Variants in RASSF9 observed in about 807,000 individuals in gnomAD.
The protein encoded by RASSF9 is Ras association domain family member 9, also known as ras association domain-containing protein 9.
Under a neutral mutation model 21.4 loss-of-function variants are expected in RASSF9, and 18 were observed. The observed-to-expected ratio is 0.84, with a 90% CI of 0.58 to 1.25. RASSF9 has a LOEUF of 1.25. RASSF9 is among the 50% of genes most tolerant of loss of function. The pLI, the probability that RASSF9 is intolerant of heterozygous loss-of-function variation, is 0.00. For missense variants in RASSF9, 480 were observed against 503.2 expected, an observed-to-expected ratio of 0.95 and a Z score of 0.44; for synonymous variants, 183 against 179.1, an observed-to-expected ratio of 1.02 and a Z score of -0.18.
At chr12:85,810,954 A>G (rs1879941012) in intron 1 of RASSF9, among the ~76,000 whole-genome samples, 1 of 151,896 alleles carries the variant, frequency 6.6e-6, no homozygotes, top group Non-Finnish European at 1.5e-5. Flanking sequence ...CTGAGCAGAT[A>G]AACATTGCTT....
chr12:85,806,635 T>G (rs1452008415), intron 1 of RASSF9, among the ~76,000 whole-genome samples: 1 of 123,264 alleles, frequency 8.1e-6, no homozygotes, highest in Non-Finnish European at 1.6e-5. Flanking sequence ...ATTGTGCCAC[T>G]GCACTCCAGC....
At chr12:85,822,324 T>A (rs1880229064) in intron 1 of RASSF9, among the ~76,000 whole-genome samples, 1 of 152,202 alleles carries the variant, frequency 6.6e-6, no homozygotes, top group Non-Finnish European at 1.5e-5. Flanking sequence ...TGCAGGAATT[T>A]CAGTTATCCA....
At chr12:85,808,110 GTT>G (rs1879874757) in intron 1 of RASSF9, among the ~76,000 whole-genome samples, 1 of 152,014 alleles carries the variant, frequency 6.6e-6, no homozygotes, top group Non-Finnish European at 1.5e-5. Context: ...AATTTATAGT[GTT>G]TATGTTTTGG....
At chr12:85,835,953 A>G (rs931583052) in intron 1 of RASSF9, among the ~76,000 whole-genome samples, 2 of 152,134 alleles carry the variant, frequency 1.3e-5, no homozygotes, top group African/African-American at 2.4e-5. Flanking sequence ...TCCCATCATC[A>G]ATACTGGGAG....
chr12:85,821,487 A>G (rs996001058), intron 1 of RASSF9, among the ~76,000 whole-genome samples: 4 of 152,192 alleles, frequency 2.6e-5, no homozygotes, highest in African/African-American at 7.2e-5. Context: ...GTGCTATGAA[A>G]ATAGTTTCCT....
intron 1 of RASSF9, among the ~76,000 whole-genome samples, chr12:85,835,518 G>C (rs1880540096): frequency 6.6e-6 from 1 of 152,128 alleles, no homozygotes; most frequent in African/African-American, 2.4e-5. Flanking sequence ...AGAGAGGATA[G>C]CTGCTTGAAT....
intron 1 of RASSF9, 105 bp from the exon 2 acceptor site, chr12:85,806,067 G>C (rs931054213): frequency 2.3e-6 from 3 of 1,278,988 alleles, no homozygotes; most frequent in Non-Finnish European, 3.2e-6. Flanking sequence ...CTTAATGAGA[G>C]AGGCATTTTT....
Position 85,806,672 on chromosome 12 carries a change from C to CAAA in RASSF9, c.48-713_48-711dup, listed in dbSNP as rs71076150. Among the ~76,000 whole-genome samples the CAAA allele has an allele frequency of 9.8e-4, 54 of 54,838 alleles. 6 individuals are homozygous for CAAA. The highest frequency in any genetic ancestry group is 1.7e-3 in the South Asian group (1 of 600). The allele number at this position is 54,838 out of a possible 152,430, so 36.0% of individuals were successfully genotyped here. A position where few individuals can be genotyped will look rare whatever the true frequency, so the allele number is the denominator to read the frequency against. On this transcript the variant is annotated intron_variant, in intron 1 of 1. Coordinates refer to ENST00000361228, the MANE Select transcript of RASSF9 (RefSeq NM_005447.4). ...TGGGCAACAGCGTGAGACTCCATCT[C>CAAA]AAAAAAAAAAAAAAAAAAAAAAAAA...
chr12:85,822,137 T>C (rs962782028), intron 1 of RASSF9, among the ~76,000 whole-genome samples: 9 of 152,216 alleles, frequency 5.9e-5, no homozygotes, highest in African/African-American at 2.4e-5. Context: ...TATCGTTATT[T>C]CAGCTATTAG....
chr12:85,823,152 A>G (rs1880253566), intron 1 of RASSF9, among the ~76,000 whole-genome samples: 2 of 150,722 alleles, frequency 1.3e-5, no homozygotes, highest in South Asian at 2.1e-4. Flanking sequence ...GTGAGCTGAG[A>G]TCACACCACT....
intron 1 of RASSF9, among the ~76,000 whole-genome samples, chr12:85,811,716 A>C (rs1300772658): frequency 6.6e-6 from 1 of 151,824 alleles, no homozygotes; most frequent in African/African-American, 2.4e-5. Flanking sequence ...CTAATAGCTT[A>C]TTATCCATGA....
chr12:85,835,237 T>C (rs1235343102), intron 1 of RASSF9, among the ~76,000 whole-genome samples: 2 of 152,156 alleles, frequency 1.3e-5, no homozygotes. Flanking sequence ...CAAACAGGCA[T>C]GATTGAGAGA....
chr12:85,829,244 A>G (rs1256821516), intron 1 of RASSF9, among the ~76,000 whole-genome samples: 2 of 152,176 alleles, frequency 1.3e-5, no homozygotes, highest in African/African-American at 2.4e-5. Context: ...GTCATACGCC[A>G]TAATTAATGA....
Position 85,805,135 on chromosome 12 carries a change from T to C in RASSF9, c.875A>G (p.Lys292Arg). 6.2e-7 allele frequency: 1 copy of C among 1,613,968 alleles called. No individual in the cohort carries two copies. Among genetic ancestry groups the C allele is most frequent in the Non-Finnish European group, 8.5e-7 (1 of 1,179,890 alleles). The change falls in exon 2 of 2, where the codon AAA becomes AGA. Residue 292 changes from lysine to arginine, a missense_variant. Physicochemically the swap from Lys to Arg is conservative, Grantham distance 26. Coordinates refer to ENST00000361228, the MANE Select transcript of RASSF9 (RefSeq NM_005447.4). ...TTCATTTATATCAATGCAAACACTT[T>C]TTACCTCTTTTTCTATTTCAGCAGA... ...KLSAEIEKEV[K>R]SVCIDINEDA...
intron 1 of RASSF9, among the ~76,000 whole-genome samples, chr12:85,806,947 T>C (rs1879849800): frequency 6.6e-6 from 1 of 152,156 alleles, no homozygotes; most frequent in South Asian, 2.1e-4. Context: ...CACCTGAAGA[T>C]ACTAAGGATA....
intron 1 of RASSF9, among the ~76,000 whole-genome samples, chr12:85,812,399 A>T (rs1011826935): frequency 2.0e-5 from 3 of 151,318 alleles, no homozygotes; most frequent in African/African-American, 7.2e-5. Context: ...TTATTAATAT[A>T]TACACAAGAG....
At position 85,802,826 on chromosome 12, in the gene RASSF9, T is replaced by G. The variant is rs2136547153; in HGVS notation, c.*1876A>C. 6.6e-6 allele frequency: 1 copy of G among 152,288 alleles called. No homozygotes were observed. The highest frequency in any genetic ancestry group is 2.4e-5 in the African/African-American group (1 of 41,570). 9.4% of individuals were successfully genotyped at this position (152,288 alleles called of 1,614,324 possible). On this transcript the variant is annotated 3_prime_UTR_variant, in exon 2 of 2. Coordinates refer to ENST00000361228, the MANE Select transcript of RASSF9 (RefSeq NM_005447.4). ...CAGTGGCTTATATTGTTGAATAATT[T>G]TATGGACTCTTAGTCAGGTGAACTT...
intron 1 of RASSF9, among the ~76,000 whole-genome samples, chr12:85,833,797 T>C (rs972397553): frequency 5.9e-5 from 9 of 152,040 alleles, no homozygotes; most frequent in Non-Finnish European, 1.3e-4. Context: ...ATTCTTACTT[T>C]ACATTGTACA....
chr12:85,826,170 A>G (rs1394086927), intron 1 of RASSF9, among the ~76,000 whole-genome samples: 1 of 151,364 alleles, frequency 6.6e-6, no homozygotes, highest in East Asian at 1.9e-4. Context: ...AATTTTCTTC[A>G]CTCTTCACCC....
Sources: allele counts gnomAD v4.1 joint callset (sites outside exome capture counted in the v4.1 genomes callset), GRCh38; gene constraint gnomAD v4.1.1; transcripts MANE v1.5; gene names NCBI Gene and HGNC (gene_info 2026-07-23, HGNC 2026-07-21).